ROR1: variants seen among roughly 807,000 people sequenced by gnomAD.
ROR1 encodes the protein inactive tyrosine-protein kinase transmembrane receptor ROR1.
A neutral mutation model predicts 78.8 loss-of-function variants in ROR1; 19 were observed. That is an observed-to-expected ratio of 0.24 (90% CI 0.17 to 0.35). The LOEUF (loss-of-function observed/expected upper bound fraction) is 0.35, where lower values mean the gene tolerates loss of function less well. Ranked by LOEUF, ROR1 falls within the 10% of genes least tolerant of loss-of-function variation. The pLI, the probability that ROR1 is intolerant of heterozygous loss-of-function variation, is 1.00. For synonymous variants in ROR1, 386 were observed against 433.6 expected (o/e 0.89, Z 1.36); for missense variants, 917 against 1,177.8 (o/e 0.78, Z 3.24).
intron 1 of ROR1, among the ~76,000 whole-genome samples, chr1:63,977,365 G>T (rs1313436769): frequency 6.6e-6 from 1 of 152,108 alleles, no homozygotes. Flanking sequence ...ATGAAGTCGG[G>T]TGTGGAATTT....
intron 7 of ROR1, among the ~76,000 whole-genome samples, chr1:64,146,713 G>A (rs545944575): frequency 3.3e-5 from 5 of 152,200 alleles, no homozygotes; most frequent in African/African-American, 1.2e-4. Flanking sequence ...TTTTCATTTC[G>A]ATGCCCTTCC....
At chr1:63,961,520 T>A (rs951996254) in intron 1 of ROR1, among the ~76,000 whole-genome samples, 2 of 152,198 alleles carry the variant, frequency 1.3e-5, no homozygotes, top group Admixed American at 1.3e-4. Context: ...TATAATCAAA[T>A]CTTGTCATTT....
At chr1:64,074,915 A>G (rs1244452309) in intron 4 of ROR1, among the ~76,000 whole-genome samples, 1 of 152,254 alleles carries the variant, frequency 6.6e-6, no homozygotes, top group Non-Finnish European at 1.5e-5. Flanking sequence ...AAAATGAGAT[A>G]ACCTACGTGG....
At chr1:63,967,077 A>T (rs1019340774) in intron 1 of ROR1, among the ~76,000 whole-genome samples, 2 of 152,156 alleles carry the variant, frequency 1.3e-5, no homozygotes, top group Non-Finnish European at 2.9e-5. Context: ...ACTTGATATG[A>T]TTTAGGAGAA....
chr1:63,820,702 G>T (rs1036299758), intron 1 of ROR1, among the ~76,000 whole-genome samples: 1 of 152,190 alleles, frequency 6.6e-6, no homozygotes, highest in South Asian at 2.1e-4. Context: ...GTCAGGTAAG[G>T]TTCTGTATGC....
intron 1 of ROR1, among the ~76,000 whole-genome samples, chr1:63,844,084 C>T (rs1206123683): frequency 1.3e-5 from 2 of 152,204 alleles, no homozygotes; most frequent in Non-Finnish European, 2.9e-5. Flanking sequence ...CTCCCAGTGA[C>T]TTAACCTTTG....
intron 1 of ROR1, among the ~76,000 whole-genome samples, chr1:63,881,493 A>G (rs1021576517): frequency 6.6e-6 from 1 of 152,192 alleles, no homozygotes; most frequent in Non-Finnish European, 1.5e-5. Flanking sequence ...CAGGCTTTTC[A>G]GGAAGCTCTG....
chr1:63,930,835 A>C (rs1645745455), intron 1 of ROR1, among the ~76,000 whole-genome samples: 1 of 152,216 alleles, frequency 6.6e-6, no homozygotes, highest in African/African-American at 2.4e-5. Flanking sequence ...ATTCCTAATT[A>C]GTGTACTTGA....
At chr1:63,901,750 G>T (rs1013065327) in intron 1 of ROR1, among the ~76,000 whole-genome samples, 14 of 151,674 alleles carry the variant, frequency 9.2e-5, no homozygotes, top group Non-Finnish European at 1.9e-4. Context: ...TATTCTGTAT[G>T]GGTTATACAT....
Position 63,798,146 on chromosome 1 carries a change from G to T in ROR1, c.91+23638G>T, listed in dbSNP as rs527621633. 6.6e-5 allele frequency among the ~76,000 whole-genome samples: 10 copies of T among 152,224 alleles called. No homozygotes were observed. In the South Asian group the frequency reaches 2.1e-3, roughly 32 times the overall value. ...ACTCAGTCAGGCATTTTTCCACTCT[G>T]CATACAATTGTTACCAATCTAGAGA... On this transcript the variant is annotated intron_variant, in intron 1 of 8. Coordinates refer to ENST00000371079, the MANE Select transcript of ROR1 (RefSeq NM_005012.4).
At chr1:64,159,888 G>A (rs1025083428) in intron 8 of ROR1, among the ~76,000 whole-genome samples, 3 of 152,120 alleles carry the variant, frequency 2.0e-5, no homozygotes, top group South Asian at 4.1e-4. Flanking sequence ...TCGAGGTCCT[G>A]GCAAGGAACC....
chr1:64,158,638 A>T (rs749937108), intron 7 of ROR1, among the ~76,000 whole-genome samples: 3 of 152,218 alleles, frequency 2.0e-5, no homozygotes, highest in Admixed American at 6.5e-5. Flanking sequence ...TCTTGGATGT[A>T]TACAGTCCAT....
At chr1:63,819,272 A>G (rs904244459) in intron 1 of ROR1, among the ~76,000 whole-genome samples, 6 of 152,194 alleles carry the variant, frequency 3.9e-5, no homozygotes, top group African/African-American at 1.4e-4. Context: ...AGGATCATCT[A>G]TGGCCTCCTT....
At chr1:64,040,862 A>T (rs1343709502) in intron 2 of ROR1, among the ~76,000 whole-genome samples, 1 of 152,200 alleles carries the variant, frequency 6.6e-6, no homozygotes. Context: ...TATCCACAAA[A>T]GCTTATAATC....
intron 4 of ROR1, among the ~76,000 whole-genome samples, chr1:64,100,881 T>C (rs554204118): frequency 4.6e-5 from 7 of 152,214 alleles, no homozygotes; most frequent in Non-Finnish European, 1.0e-4. Context: ...GCCTGGACCA[T>C]GGAATAGATC....
At chr1:63,870,659 T>TA (rs1234582804) in intron 1 of ROR1, among the ~76,000 whole-genome samples, 1 of 152,230 alleles carries the variant, frequency 6.6e-6, no homozygotes, top group Non-Finnish European at 1.5e-5. Context: ...TCTGATGCTC[T>TA]AGGTGTTCTT....
intron 1 of ROR1, among the ~76,000 whole-genome samples, chr1:63,775,018 G>A (rs1292963384): frequency 2.0e-4 from 30 of 152,088 alleles, no homozygotes; most frequent in Non-Finnish European, 2.9e-5. Flanking sequence ...TCCTCCTGGG[G>A]CTCCGGCGGC....
chr1:63,850,372 T>C (rs1645106744), intron 1 of ROR1, among the ~76,000 whole-genome samples: 1 of 152,268 alleles, frequency 6.6e-6, no homozygotes, highest in Non-Finnish European at 1.5e-5. Context: ...GTGTGAAGTT[T>C]TTCTAGGCCA....
At chr1:63,891,269 A>G (rs1645393466) in intron 1 of ROR1, among the ~76,000 whole-genome samples, 1 of 152,098 alleles carries the variant, frequency 6.6e-6, no homozygotes, top group South Asian at 2.1e-4. Flanking sequence ...AAATAAAAGT[A>G]TTTCTCTTTT....
Sources: allele counts gnomAD v4.1 joint callset (sites outside exome capture counted in the v4.1 genomes callset), GRCh38; gene constraint gnomAD v4.1.1; transcripts MANE v1.5; gene names NCBI Gene and HGNC (gene_info 2026-07-23, HGNC 2026-07-21).